DST: variants seen among roughly 807,000 people sequenced by gnomAD.
DST encodes bullous pemphigoid antigen.
DST carries 253 observed loss-of-function variants against 875.2 expected under a neutral mutation model. The ratio of observed to expected loss-of-function variants is 0.29; its 90% CI spans 0.26 to 0.32. The LOEUF (loss-of-function observed/expected upper bound fraction) is 0.32. Among genes scored for constraint, DST ranks in the 10% least tolerant of loss-of-function variants. DST has a pLI of 1.00. For missense variants in DST, 8,287 were observed against 9,111.6 expected (o/e 0.91, Z 3.68); for synonymous variants, 3,124 against 3,197.1 (o/e 0.98, Z 0.77).
At chr6:56,824,767 C>T (rs888786605) in intron 4 of DST, among the ~76,000 whole-genome samples, 12 of 151,250 alleles carry the variant, frequency 7.9e-5, no homozygotes, top group African/African-American at 2.9e-4. Context: ...TCCCTCCGCC[C>T]GGCAGCTGCC....
At chr6:56,871,786 A>C (rs959387385) in intron 3 of DST, 8 of 342,240 alleles carry the variant, frequency 2.3e-5, no homozygotes, top group Non-Finnish European at 1.6e-5. Flanking sequence ...TAAAAAAAAA[A>C]AAAAAAAAAG....
chr6:56,819,865 A>G (rs2099771017), intron 4 of DST, among the ~76,000 whole-genome samples: 1 of 152,214 alleles, frequency 6.6e-6, no homozygotes, highest in Non-Finnish European at 1.5e-5. Context: ...CTGAAGAGAG[A>G]ATAGCTTTTC....
At chr6:56,581,888 G>T (rs1276112615) in intron 49 of DST, among the ~76,000 whole-genome samples, 1 of 151,848 alleles carries the variant, frequency 6.6e-6, no homozygotes, top group Non-Finnish European at 1.5e-5. Context: ...TTTCTCCTGG[G>T]GTATATCTAA....
chr6:56,655,742 G>A (rs1035352967), intron 10 of DST, among the ~76,000 whole-genome samples: 9 of 152,078 alleles, frequency 5.9e-5, no homozygotes, highest in African/African-American at 1.4e-4. Flanking sequence ...CCTCACCCCC[G>A]TACATGACAT....
chr6:56,582,969 C>T (rs1157963617), intron 49 of DST, among the ~76,000 whole-genome samples: 1 of 152,074 alleles, frequency 6.6e-6, no homozygotes, highest in African/African-American at 2.4e-5. Context: ...TGTATATGTG[C>T]CACATTTTCT....
chr6:56,597,137 G>A (rs1288583894), intron 47 of DST, among the ~76,000 whole-genome samples: 1 of 152,088 alleles, frequency 6.6e-6, no homozygotes, highest in Non-Finnish European at 1.5e-5. Context: ...CTACTCAGGA[G>A]GCTGAGGTGG....
intron 4 of DST, among the ~76,000 whole-genome samples, chr6:56,772,871 G>C (rs1285985765): frequency 1.3e-5 from 2 of 152,110 alleles, no homozygotes; most frequent in African/African-American, 4.8e-5. Flanking sequence ...GTGACCAACT[G>C]TATACAGCAA....
chr6:56,511,141 T>C lies in DST; in HGVS notation c.18780+56A>G, dbSNP rs944464845. 11 of 1,413,746 alleles carry C rather than the reference T, an allele frequency of 7.8e-6. No individual in the cohort carries two copies. The African/African-American group carries it at 8.6e-5, about 11-fold the overall frequency. The allele number at this position is 1,413,746 out of a possible 1,614,324, so 87.6% of individuals were successfully genotyped here. On this transcript the variant is annotated intron_variant, in intron 73 of 103. Coordinates refer to ENST00000680361, the MANE Select transcript of DST (RefSeq NM_001374736.1). ...TAATCAGGAAATCCAGGAAAATGTC[T>C]TTCTGTGCTCTGTTGTCTGCAAGAA...
At position 56,619,499 on chromosome 6, in the gene DST, C is replaced by T. The variant is rs148783697; in HGVS notation, c.4930-5015G>A. The stretch of plus-strand genomic sequence containing the variant: ...TAGTCTTTCTAATTCTTTCTCATCT[C>T]GAAAAGAATGAATTTGTGAATTTAA... On this transcript the variant is annotated intron_variant, in intron 36 of 103. Transcript: ENST00000680361. 79 of 1,612,082 alleles carry T rather than the reference C, an allele frequency of 4.9e-5. No homozygotes were observed. In the African/African-American group the frequency reaches 8.8e-4, roughly 18 times the overall value.
At chr6:56,644,500 G>T (rs968255843) in intron 15 of DST, among the ~76,000 whole-genome samples, 1 of 152,104 alleles carries the variant, frequency 6.6e-6, no homozygotes, top group Non-Finnish European at 1.5e-5. Flanking sequence ...CACTGGCAAC[G>T]CAAGGGACAG....
chr6:56,669,885 C>T (rs1462408964), intron 10 of DST, among the ~76,000 whole-genome samples: 2 of 152,084 alleles, frequency 1.3e-5, no homozygotes, highest in Non-Finnish European at 2.9e-5. Context: ...TAAGTATTAG[C>T]GTGGATTTAG....
rs1228629166 is a variant in DST, at chr6:56,517,456, C to T, written c.18249+45G>A. On this transcript the variant is annotated intron_variant, in intron 70 of 103. Coordinates refer to ENST00000680361, the MANE Select transcript of DST (RefSeq NM_001374736.1). ...AAGCACATTTTATAGAGTTGGAGCA[C>T]ACCAGCAAATAATTCATATGGCAAT... 6 of 1,604,044 alleles carry T rather than the reference C, an allele frequency of 3.7e-6. No individual in the cohort carries two copies. The Admixed American group carries it at 6.9e-5, about 18-fold the overall frequency.
chr6:56,471,075 A>G (rs759754099), intron 95 of DST, 31 bp downstream of exon 95: 1 of 1,588,538 alleles, frequency 6.3e-7, no homozygotes, highest in East Asian at 2.2e-5. Flanking sequence ...TAAAAATTGT[A>G]TCAGTCATAG....
intron 32 of DST, among the ~76,000 whole-genome samples, chr6:56,628,727 T>A (rs2098753962): frequency 6.6e-6 from 1 of 152,348 alleles, no homozygotes; most frequent in Admixed American, 6.5e-5. Context: ...TGCATTAATA[T>A]AAGCACGAAA....
chr6:56,902,519 A>T (rs1794589984), intron 2 of DST, among the ~76,000 whole-genome samples: 1 of 152,250 alleles, frequency 6.6e-6, no homozygotes, highest in Non-Finnish European at 1.5e-5. Flanking sequence ...ATAATTTTTA[A>T]AAAAGGAGGG....
chr6:56,579,143 T>C (rs1325556511), intron 49 of DST, among the ~76,000 whole-genome samples: 4 of 152,224 alleles, frequency 2.6e-5, no homozygotes, highest in African/African-American at 7.2e-5. Context: ...CCAGTCTGGA[T>C]AACACAAATT....
At chr6:56,525,813 TC>T (rs2152504805) in intron 69 of DST, among the ~76,000 whole-genome samples, 1 of 152,254 alleles carries the variant, frequency 6.6e-6, no homozygotes, top group East Asian at 1.9e-4. Context: ...CCTATAAAAC[TC>T]TTGGAGTATA....
intron 2 of DST, among the ~76,000 whole-genome samples, chr6:56,913,860 G>A (rs1225882017): frequency 6.6e-6 from 1 of 152,192 alleles, no homozygotes; most frequent in East Asian, 1.9e-4. Flanking sequence ...CATAGATGAT[G>A]CAGTTGGATT....
chr6:56,563,040 G>A (rs528457875), intron 55 of DST, among the ~76,000 whole-genome samples: 17 of 152,158 alleles, frequency 1.1e-4, no homozygotes, highest in African/African-American at 2.9e-4. Context: ...ATAGTGCTGC[G>A]ATAAACATAG....
Sources: gnomAD v4.1 joint callset for allele counts (sites outside exome capture counted in the v4.1 genomes callset) on GRCh38, gnomAD v4.1.1 for gene constraint, MANE v1.5 for transcripts, NCBI Gene and HGNC (gene_info 2026-07-23, HGNC 2026-07-21) for gene names.